Variants in MALT1 observed in about 807,000 individuals in gnomAD.
The protein encoded by MALT1 is mucosa-associated lymphoid tissue lymphoma translocation protein 1.
A neutral mutation model predicts 85.5 loss-of-function variants in MALT1; 36 were observed. The ratio of observed to expected loss-of-function variants is 0.42; its 90% confidence interval spans 0.32 to 0.56. MALT1 has a LOEUF of 0.56. Ranked by LOEUF, MALT1 falls within the 20% of genes least tolerant of loss-of-function variation. The pLI, the probability that MALT1 is intolerant of heterozygous loss-of-function variation, is 0.10. For missense variants in MALT1, 716 were observed against 981.6 expected (o/e 0.73, Z 3.62); for synonymous variants, 359 against 361.3 (o/e 0.99, Z 0.07).
In MALT1 at chr18:58,671,716, C is replaced by T. The variant is rs1437258417; in HGVS notation, c.73C>T (p.Pro25Ser). Residue 25 changes from proline to serine, a missense_variant, in exon 1 of 17, where the codon CCG becomes TCG. Physicochemically the swap from Pro to Ser is moderately conservative, Grantham distance 74. Transcript: ENST00000649217. ...AAPTGPLLAP[P>S]AGATLNRLRE... Reference sequence around the variant, plus strand: ...CCCCACGGGGCCGCTGCTCGCCCCTCCGGCCGGCGCGACCCTCAACCGCCT... The same window carrying T: ...CCCCACGGGGCCGCTGCTCGCCCCTTCGGCCGGCGCGACCCTCAACCGCCT... 7 of 1,278,544 alleles carry T rather than the reference C, an allele frequency of 5.5e-6. No homozygotes were observed. The highest frequency in any genetic ancestry group is 6.9e-6 in the Non-Finnish European group (7 of 1,012,652). 79.2% of individuals were successfully genotyped at this position (1,278,544 alleles called of 1,614,324 possible). A position where few individuals can be genotyped will look rare whatever the true frequency, so the allele number is the denominator to read the frequency against.
intron 16 of MALT1, 86 bp from the exon 17 acceptor site, chr18:58,747,319 G>A (rs752554986): frequency 1.3e-4 from 110 of 823,722 alleles, no homozygotes; most frequent in Non-Finnish European, 1.9e-4. Context: ...ATTTTTGGGG[G>A]TGGGGGTGTG....
At chr18:58,700,690 A>T in intron 4 of MALT1, 99 bp downstream of exon 4, 4 of 1,120,748 alleles carry the variant, frequency 3.6e-6, no homozygotes, top group Non-Finnish European at 4.7e-6. Context: ...ATCAAAAAAC[A>T]TAGCAAAATT....
intron 1 of MALT1, 160 bp downstream of exon 1, chr18:58,672,012 A>C (rs1303061020): frequency 2.3e-6 from 1 of 434,058 alleles, no homozygotes; most frequent in Non-Finnish European, 3.7e-6. Flanking sequence ...AGCGGAACTC[A>C]GCAGCTCCCC....
At position 58,694,493 on chromosome 18, in the gene MALT1, A is replaced by G. The variant is rs534993089; in HGVS notation, c.377-1873A>G. On this transcript the variant is annotated intron_variant, in intron 2 of 16. Transcript: ENST00000649217. ...TTCAGTATAGACAAGGAAAGAAAAT[A>G]AAAGTAGGTGCAGGAAATTAAGTTT... is the stretch of plus-strand genomic sequence containing the variant. Among the ~76,000 whole-genome samples the G allele has an allele frequency of 2.0e-5, 3 of 152,352 alleles. No homozygotes were observed. In the East Asian group the frequency reaches 5.8e-4, roughly 29 times the overall value.
At chr18:58,696,535 TAGAG>T in intron 3 of MALT1, 48 bp downstream of exon 3, 1 of 1,412,902 alleles carries the variant, frequency 7.1e-7, no homozygotes, top group Non-Finnish European at 9.6e-7. Context: ...GAGAGAATGA[TAGAG>T]AATTAATTAA....
In MALT1 at chr18:58,744,368, A is replaced by T. The variant is rs1003350008; in HGVS notation, c.1784A>T (p.Asp595Val). Residue 595 changes from aspartate (D) to valine (V), a missense_variant, in exon 15 of 17, where the codon GAC (aspartate) becomes GTC (valine). Asp to Val is a radical substitution (Grantham distance 152). This residue lies in a region of MALT1 where 260 missense variants were observed against 323.7 expected (regional missense o/e 0.80). Transcript: ENST00000649217. ...CCAGAAAGTATGTGTCTTAAGTTTG[A>T]CTGTGGTGTTCAGATTCAATTAGGA... is the stretch of plus-strand genomic sequence containing the variant. ...ELPESMCLKFDCGVQIQLGFA... is the reference protein window; with the variant it reads ...ELPESMCLKFVCGVQIQLGFA... 1.9e-6 allele frequency: 3 copies of T among 1,602,032 alleles called. No homozygotes were observed. Among genetic ancestry groups the T allele is most frequent in the South Asian group, 1.1e-5 (1 of 88,880 alleles).
chr18:58,740,108 G>A (rs2055281772), intron 13 of MALT1, among the ~76,000 whole-genome samples: 1 of 152,050 alleles, frequency 6.6e-6, no homozygotes, highest in Admixed American at 6.6e-5. Flanking sequence ...CTAGGAATTT[G>A]GGCAGTTTTC....
In MALT1 at chr18:58,751,614, G is replaced by C. The variant is rs190751040; in HGVS notation, c.*3772G>C. The stretch of plus-strand genomic sequence containing the variant: ...CATGCTTTTATTTTACTTGAATCTC[G>C]TGCCAATTGCTTTGTAATATTAAAG... On this transcript the variant is annotated 3_prime_UTR_variant, in exon 17 of 17. Transcript: ENST00000649217. The C allele has an allele frequency of 6.6e-6, 1 of 152,000 alleles. No homozygotes were observed. The highest frequency in any genetic ancestry group is 1.5e-5 in the Non-Finnish European group (1 of 68,014). 9.4% of individuals were successfully genotyped at this position (152,000 alleles called of 1,614,324 possible).
In MALT1 at chr18:58,736,815, C is replaced by T. The variant is rs576419769; in HGVS notation, c.1603+1486C>T. Among the ~76,000 whole-genome samples, 3 of 152,280 alleles carry T rather than the reference C, an allele frequency of 2.0e-5. No homozygotes were observed. In the East Asian group the frequency reaches 5.8e-4, roughly 29 times the overall value. ...CAGCTCAGTGCCGTGCACATTGTGC[C>T]CTTCGTGGGTAACGGCCCACTCATT... On this transcript the variant is annotated intron_variant, in intron 13 of 16. Transcript: ENST00000649217.
At position 58,741,893 on chromosome 18, in the gene MALT1, CA is replaced by C; in HGVS notation, c.1635del (p.Lys545AsnfsTer4). 1 of 1,535,476 alleles carries C rather than the reference CA, an allele frequency of 6.5e-7. No homozygotes were observed. Among genetic ancestry groups the C allele is most frequent in the South Asian group, 1.3e-5 (1 of 79,920 alleles). On this transcript the variant is annotated frameshift_variant, in exon 14 of 17. Coordinates refer to ENST00000649217, the MANE Select transcript of MALT1 (RefSeq NM_006785.4). LOFTEE classifies it high-confidence loss of function. ...DMGKCHLTKG[K>X]QALEIRSSLS... is the part of the protein sequence containing the mutation. ...TGGGTAAGTGTCACCTTACCAAAGGCAAACAGGCTCTAGAGATTCGAAGTAG... is the reference window on the plus strand; with the variant it reads ...TGGGTAAGTGTCACCTTACCAAAGGCAACAGGCTCTAGAGATTCGAAGTAG...
chr18:58,705,716 GTCTA>G (rs2054742367), intron 4 of MALT1, among the ~76,000 whole-genome samples: 1 of 151,602 alleles, frequency 6.6e-6, no homozygotes, highest in Non-Finnish European at 1.5e-5. Flanking sequence ...TCTTAATCCA[GTCTA>G]TCATTGTTGG....
At chr18:58,682,874 A>T (rs1483177846) in intron 2 of MALT1, among the ~76,000 whole-genome samples, 2 of 152,184 alleles carry the variant, frequency 1.3e-5, no homozygotes, top group Non-Finnish European at 2.9e-5. Context: ...GGCCTCTGAT[A>T]AATGCCCTAT....
At chr18:58,732,274 TGAA>T (rs939484367) in intron 10 of MALT1, among the ~76,000 whole-genome samples, 5 of 152,336 alleles carry the variant, frequency 3.3e-5, no homozygotes, top group African/African-American at 1.2e-4. Context: ...AGTACTTTTA[TGAA>T]GAAGTTCAGA....
intron 3 of MALT1, chr18:58,697,060 G>A (rs1051004029): frequency 3.9e-5 from 6 of 152,100 alleles, no homozygotes; most frequent in Admixed American, 3.3e-4. Context: ...AGTTCCTTGA[G>A]CCATCTTGCA....
intron 16 of MALT1, among the ~76,000 whole-genome samples, chr18:58,747,080 G>T (rs917365895): frequency 2.0e-5 from 3 of 152,160 alleles, no homozygotes; most frequent in African/African-American, 7.2e-5. Context: ...ATAGGGAAGG[G>T]TAAGTTTCCT....
At chr18:58,688,536 CAAA>C (rs552838701) in intron 2 of MALT1, among the ~76,000 whole-genome samples, 4 of 61,400 alleles carry the variant, frequency 6.5e-5, no homozygotes, top group East Asian at 1.0e-3. Context: ...CCTGTTTCTA[CAAA>C]AAAAAAAAAA....
Position 58,691,089 on chromosome 18 carries a change from G to A in MALT1, c.377-5277G>A, listed in dbSNP as rs138141345. On this transcript the variant is annotated intron_variant, in intron 2 of 16. Transcript: ENST00000649217. ...TCATGGTTCTAGTGGAGCCGGCTGA[G>A]TGCCAAGGATCCTCTGCCCCCGCCA... 181 of 235,430 alleles carry A rather than the reference G, an allele frequency of 7.7e-4. 2 individuals are homozygous for A. The highest frequency in any genetic ancestry group is 3.8e-3 in the African/African-American group (163 of 42,724). 14.6% of individuals were successfully genotyped at this position (235,430 alleles called of 1,614,324 possible).
intron 1 of MALT1, among the ~76,000 whole-genome samples, chr18:58,673,743 C>T (rs912079389): frequency 6.6e-6 from 1 of 152,172 alleles, no homozygotes; most frequent in Non-Finnish European, 1.5e-5. Flanking sequence ...GCTACCCTGC[C>T]TGGCCACATT....
intron 2 of MALT1, among the ~76,000 whole-genome samples, chr18:58,692,985 CAGAG>C (rs1365776815): frequency 6.6e-6 from 1 of 152,142 alleles, no homozygotes; most frequent in Non-Finnish European, 1.5e-5. Context: ...TCTGTGAAGA[CAGAG>C]AGGTGAGGAA....
Sources: gnomAD v4.1 joint callset for allele counts (sites outside exome capture counted in the v4.1 genomes callset) on GRCh38, gnomAD v4.1.1 for gene constraint, gnomAD v4.1.1 regional missense constraint, MANE v1.5 for transcripts, NCBI Gene and HGNC (gene_info 2026-07-23, HGNC 2026-07-21) for gene names.